CENPP: variants seen among roughly 807,000 people sequenced by gnomAD.
The protein encoded by CENPP is centromere protein P.
CENPP carries 24 observed loss-of-function variants against 35.6 expected under a neutral mutation model. That is an observed-to-expected ratio of 0.67 (90% CI 0.49 to 0.95). The LOEUF is 0.95. Among genes scored for constraint, CENPP ranks in the 40% least tolerant of loss-of-function variants. CENPP has a pLI of 0.00. For synonymous variants in CENPP, 120 were observed against 125.5 expected, an observed-to-expected ratio of 0.96 and a Z score of 0.29; for missense variants, 332 against 345.3, an observed-to-expected ratio of 0.96 and a Z score of 0.31.
chr9:92,325,880 T>C (rs1840450286), upstream of CENPP: 2 of 762,782 alleles, frequency 2.6e-6, no homozygotes. Flanking sequence ...CCGCCTCCCC[T>C]CCGCGTGAGC....
At chr9:92,392,929 C>A (rs893249838) in intron 5 of CENPP, among the ~76,000 whole-genome samples, 3 of 152,036 alleles carry the variant, frequency 2.0e-5, no homozygotes, top group Non-Finnish European at 2.9e-5. Flanking sequence ...GATGATTCAC[C>A]AACAAATGAA....
At chr9:92,587,593 A>G (rs1205409981) in intron 5 of CENPP, among the ~76,000 whole-genome samples, 2 of 152,268 alleles carry the variant, frequency 1.3e-5, no homozygotes, top group African/African-American at 4.8e-5. Flanking sequence ...GCCAGACACA[A>G]AAGGTTACAT....
chr9:92,542,071 C>A (rs536474251), intron 5 of CENPP, among the ~76,000 whole-genome samples: 1 of 152,106 alleles, frequency 6.6e-6, no homozygotes, highest in Non-Finnish European at 1.5e-5. Context: ...GGATTATAGG[C>A]GTGAGCCACT....
At chr9:92,596,250 A>T (rs1850776554) in intron 5 of CENPP, among the ~76,000 whole-genome samples, 1 of 151,998 alleles carries the variant, frequency 6.6e-6, no homozygotes, top group Non-Finnish European at 1.5e-5. Context: ...CCTCTTGCCT[A>T]AGTCTTCCAA....
intron 5 of CENPP, chr9:92,403,148 C>T (rs1009469999): frequency 6.2e-5 from 51 of 820,084 alleles, no homozygotes; most frequent in South Asian, 5.8e-4. Context: ...TTCCCCTTAC[C>T]TTATCAGACA....
intron 4 of CENPP, among the ~76,000 whole-genome samples, chr9:92,369,466 T>A (rs1841961013): frequency 6.6e-6 from 1 of 152,086 alleles, no homozygotes. Flanking sequence ...GAGGTGTGGA[T>A]TCTGGGTTGG....
intron 5 of CENPP, among the ~76,000 whole-genome samples, chr9:92,541,705 A>G (rs1479401562): frequency 6.6e-6 from 1 of 151,992 alleles, no homozygotes; most frequent in Non-Finnish European, 1.5e-5. Context: ...GCTGATGGAC[A>G]CTTAGGTTGA....
chr9:92,456,937 T>C (rs888945026), intron 5 of CENPP: 2 of 1,027,514 alleles, frequency 1.9e-6, no homozygotes, highest in Non-Finnish European at 2.3e-6. Flanking sequence ...AGTCAAGCAT[T>C]CCATTTACAG....
chr9:92,583,853 G>A lies in CENPP; in HGVS notation c.565-27461G>A, dbSNP rs577210666. 3.3e-5 allele frequency among the ~76,000 whole-genome samples: 5 copies of A among 152,216 alleles called. No homozygotes were observed. The South Asian group carries it at 6.2e-4, about 19-fold the overall frequency. Reference sequence around the variant, plus strand: ...GTATCTATAATTCAGAACAGCAAAGGTAAAATTTAAATGTTTGCATACTGA... The same window carrying A: ...GTATCTATAATTCAGAACAGCAAAGATAAAATTTAAATGTTTGCATACTGA... On this transcript the variant is annotated intron_variant, in intron 5 of 7. Coordinates refer to ENST00000375587, the MANE Select transcript of CENPP (RefSeq NM_001012267.3).
At chr9:92,538,328 T>G (rs1563994499) in intron 5 of CENPP, among the ~76,000 whole-genome samples, 1 of 152,236 alleles carries the variant, frequency 6.6e-6, no homozygotes, top group Admixed American at 6.5e-5. Flanking sequence ...ATTATGATCT[T>G]ACCTTCTTTT....
intron 5 of CENPP, among the ~76,000 whole-genome samples, chr9:92,429,717 G>A (rs538350087): frequency 1.3e-5 from 2 of 152,186 alleles, no homozygotes; most frequent in Non-Finnish European, 1.5e-5. Context: ...AACCCAGGAG[G>A]CGGAGGTTGC....
chr9:92,613,015 AT>A lies in CENPP; in HGVS notation c.737-3del, dbSNP rs2131403772. ...TCTTACCCGGTTTAATGTTTTCTTT[AT>A]AGCCCTGGAGCTGGACAAGAACAGA... On this transcript the variant is annotated splice_polypyrimidine_tract_variant and splice_region_variant and intron_variant, in intron 7 of 7. Transcript: ENST00000375587. 3 of 1,614,080 alleles carry A rather than the reference AT, an allele frequency of 1.9e-6. No homozygotes were observed. The East Asian group carries it at 6.7e-5, about 36-fold the overall frequency.
At chr9:92,457,003 CT>C in intron 5 of CENPP, 2 of 1,137,088 alleles carry the variant, frequency 1.8e-6, no homozygotes, top group Non-Finnish European at 1.1e-6. Context: ...GAATATCTTA[CT>C]TTTTTGTTAT....
chr9:92,383,698 C>T (rs949696682), intron 5 of CENPP, among the ~76,000 whole-genome samples: 1 of 151,710 alleles, frequency 6.6e-6, no homozygotes. Context: ...TCATATATAT[C>T]CTCTTATCTA....
At chr9:92,548,251 C>T (rs1478293827) in intron 5 of CENPP, among the ~76,000 whole-genome samples, 1 of 152,112 alleles carries the variant, frequency 6.6e-6, no homozygotes, top group Non-Finnish European at 1.5e-5. Context: ...CATGAAAGCT[C>T]TCTTGCTGGT....
intron 5 of CENPP, among the ~76,000 whole-genome samples, chr9:92,463,634 C>T (rs1845196158): frequency 6.6e-6 from 1 of 152,168 alleles, no homozygotes; most frequent in African/African-American, 2.4e-5. Flanking sequence ...TCCTCTTTTC[C>T]TTGTCTTCAC....
intron 5 of CENPP, among the ~76,000 whole-genome samples, chr9:92,381,804 A>G (rs10761154): frequency 0.44 from 67,492 of 151,904 alleles, 17,231 homozygotes; most frequent in African/African-American, 0.7. Context: ...GAAGAACCGC[A>G]TACTCTTTTC....
At chr9:92,363,320 A>G (rs1841809105) in intron 4 of CENPP, among the ~76,000 whole-genome samples, 1 of 152,216 alleles carries the variant, frequency 6.6e-6, no homozygotes, top group African/African-American at 2.4e-5. Context: ...TGTGCCGCAT[A>G]ACTACTTTTT....
chr9:92,548,924 C>T (rs1249483453), intron 5 of CENPP, among the ~76,000 whole-genome samples: 1 of 151,898 alleles, frequency 6.6e-6, no homozygotes, highest in Non-Finnish European at 1.5e-5. Context: ...ATGTAAAGGC[C>T]AAAGAAAAGC....
Sources: allele counts gnomAD v4.1 joint callset (sites outside exome capture counted in the v4.1 genomes callset), GRCh38; gene constraint gnomAD v4.1.1; transcripts MANE v1.5; gene names NCBI Gene and HGNC (gene_info 2026-07-23, HGNC 2026-07-21).